The following CELF2 variants were observed in gnomAD, a reference collection of about 807,000 sequenced individuals.
CELF2 encodes CUG triplet repeat RNA-binding protein 2.
Under a neutral mutation model 62.6 loss-of-function variants are expected in CELF2, and 8 were observed. The ratio of observed to expected loss-of-function variants is 0.13; its 90% CI spans 0.07 to 0.23. The LOEUF (loss-of-function observed/expected upper bound fraction) is 0.23. CELF2 is among the 10% of genes least tolerant of loss of function. The probability of loss-of-function intolerance (pLI) is 1.00; values close to 1 mark genes in which losing one functional copy is unlikely to be tolerated. For missense variants in CELF2, 333 were observed against 671.0 expected (o/e 0.50, Z 5.56); for synonymous variants, 258 against 250.0 (o/e 1.03, Z -0.30).
At chr10:10,961,558 G>A (rs76260448) in intron 2 of CELF2, among the ~76,000 whole-genome samples, 2 of 151,806 alleles carry the variant, frequency 1.3e-5, no homozygotes, top group African/African-American at 2.4e-5. Context: ...ACCAGCCTGG[G>A]CAACATGGCA....
At chr10:10,942,045 G>A (rs772158395) in intron 2 of CELF2, among the ~76,000 whole-genome samples, 2 of 149,512 alleles carry the variant, frequency 1.3e-5, no homozygotes, top group Non-Finnish European at 3.0e-5. Flanking sequence ...CATCATGTTT[G>A]TTATCATGTA....
the CELF2 span, among the ~76,000 whole-genome samples, chr10:10,603,047 C>A: frequency 6.6e-6 from 1 of 151,998 alleles, no homozygotes; most frequent in East Asian, 1.9e-4. Context: ...GTAACTTTAC[C>A]AAGTAGACAT....
Position 11,285,294 on chromosome 10 carries a change from C to T in CELF2, c.842-3124C>T, listed in dbSNP as rs1441132336. ...TCCTTTCCACTCTTCATCTCAGCTTCCTTGACTCATAGTTTTTCCTTTCCT... is the reference window on the plus strand; with the variant it reads ...TCCTTTCCACTCTTCATCTCAGCTTTCTTGACTCATAGTTTTTCCTTTCCT... On this transcript the variant is annotated intron_variant, in intron 8 of 12. Coordinates refer to ENST00000633077, the MANE Select transcript of CELF2 (RefSeq NM_001326342.2). This position sits in a 1 kb window ranked among gnomAD's most constrained non-coding sequence, Gnocchi z 4.3. Among the ~76,000 whole-genome samples, 2 of 152,144 alleles carry T rather than the reference C, an allele frequency of 1.3e-5. No individual in the cohort carries two copies.
chr10:10,716,763 T>G, the CELF2 span, among the ~76,000 whole-genome samples: 1 of 152,154 alleles, frequency 6.6e-6, no homozygotes, highest in East Asian at 1.9e-4. Context: ...GCAACCAAAC[T>G]TTCCACCAAA....
At chr10:10,818,402 G>A (rs898403740) in intron 1 of CELF2, among the ~76,000 whole-genome samples, 3 of 152,130 alleles carry the variant, frequency 2.0e-5, no homozygotes, top group Non-Finnish European at 2.9e-5. Context: ...ATGACGTTCT[G>A]CTTCCATTAG....
the CELF2 span, among the ~76,000 whole-genome samples, chr10:10,522,713 G>A: frequency 3.9e-5 from 6 of 152,126 alleles, no homozygotes; most frequent in Admixed American, 2.6e-4. Context: ...GGGATTACAC[G>A]CACATGCCAC....
At chr10:11,091,592 C>T (rs2141970933) in intron 1 of CELF2, among the ~76,000 whole-genome samples, 1 of 152,308 alleles carries the variant, frequency 6.6e-6, no homozygotes, top group Non-Finnish European at 1.5e-5. Flanking sequence ...GTCAAACGAG[C>T]ATGTTCTCTG....
the CELF2 span, among the ~76,000 whole-genome samples, chr10:10,463,099 G>A: frequency 1.3e-5 from 2 of 152,102 alleles, no homozygotes; most frequent in Non-Finnish European, 2.9e-5. Flanking sequence ...AGACTAAAGT[G>A]AGTGCTCAGT....
intron 2 of CELF2, among the ~76,000 whole-genome samples, chr10:10,960,898 C>T (rs190843496): frequency 5.3e-4 from 80 of 152,288 alleles, no homozygotes; most frequent in African/African-American, 1.8e-3. Flanking sequence ...TGTAACTAGC[C>T]GTGCCCCTAG....
the CELF2 span, among the ~76,000 whole-genome samples, chr10:10,547,290 C>G: frequency 6.6e-6 from 1 of 152,106 alleles, no homozygotes; most frequent in Non-Finnish European, 1.5e-5. Flanking sequence ...GCCACCTGAC[C>G]CACAGTGCCG....
the CELF2 span, among the ~76,000 whole-genome samples, chr10:10,541,706 G>C: frequency 6.6e-6 from 1 of 152,198 alleles, no homozygotes; most frequent in Non-Finnish European, 1.5e-5. Flanking sequence ...GAGCAGTGAG[G>C]ATGACCAGAG....
the CELF2 span, among the ~76,000 whole-genome samples, chr10:10,528,845 A>G: frequency 1.3e-5 from 2 of 152,244 alleles, no homozygotes; most frequent in African/African-American, 2.4e-5. Context: ...CTAAAACTTT[A>G]TCATTATTAA....
chr10:10,891,708 G>T (rs1007413108), intron 1 of CELF2, among the ~76,000 whole-genome samples: 1 of 152,120 alleles, frequency 6.6e-6, no homozygotes, highest in African/African-American at 2.4e-5. Context: ...TTAGCTGCAC[G>T]GGCAGACTGG....
chr10:10,959,428 C>A (rs1251950156), intron 2 of CELF2, among the ~76,000 whole-genome samples: 1 of 152,196 alleles, frequency 6.6e-6, no homozygotes, highest in African/African-American at 2.4e-5. Flanking sequence ...TAATGACAGA[C>A]TGATCATCTT....
chr10:10,575,683 T>A, the CELF2 span, among the ~76,000 whole-genome samples: 4 of 152,318 alleles, frequency 2.6e-5, no homozygotes, highest in South Asian at 2.1e-4. Flanking sequence ...TATGTTTAAA[T>A]TTTTAGGTCA....
intron 1 of CELF2, among the ~76,000 whole-genome samples, chr10:10,803,103 A>T (rs1280433909): frequency 6.6e-6 from 1 of 151,894 alleles, no homozygotes; most frequent in Non-Finnish European, 1.5e-5. Context: ...ACTTTTTTCC[A>T]CCTTCCATTG....
At position 11,098,004 on chromosome 10, in the gene CELF2, T is replaced by G. The variant is rs2024045976; in HGVS notation, c.75-67482T>G. The G allele has an allele frequency of 6.6e-6, 1 of 152,280 alleles. No homozygotes were observed. Among genetic ancestry groups the G allele is most frequent in the African/African-American group, 2.4e-5 (1 of 41,436 alleles). 9.4% of individuals were successfully genotyped at this position (152,280 alleles called of 1,614,324 possible). On this transcript the variant is annotated intron_variant, in intron 1 of 12. Coordinates refer to ENST00000633077, the MANE Select transcript of CELF2 (RefSeq NM_001326342.2). This position sits in a 1 kb window ranked among gnomAD's most constrained non-coding sequence, Gnocchi z 4.0. The stretch of plus-strand genomic sequence containing the variant: ...GACTGTGTTCCAGTCAAAGCCACAC[T>G]AACAGTGAGCACTCACCACAGGCTG...
intron 1 of CELF2, among the ~76,000 whole-genome samples, chr10:11,061,585 C>T (rs185613809): frequency 1.2e-4 from 18 of 152,302 alleles, no homozygotes; most frequent in African/African-American, 3.6e-4. Flanking sequence ...CTAGAAGTTT[C>T]GTAGCCAAAG....
Position 11,032,146 on chromosome 10 carries a change from C to CAAAAAA in CELF2, c.74+14003_74+14008dup, listed in dbSNP as rs56364371. Among the ~76,000 whole-genome samples the CAAAAAA allele has an allele frequency of 1.4e-4, 12 of 86,394 alleles. 1 individual carries two copies. The highest frequency in any genetic ancestry group is 1.0e-4 in the Non-Finnish European group (4 of 38,738). The allele number at this position is 86,394 out of a possible 152,430, so 56.7% of individuals were successfully genotyped here. On this transcript the variant is annotated intron_variant, in intron 1 of 12. Coordinates refer to ENST00000633077, the MANE Select transcript of CELF2 (RefSeq NM_001326342.2). ...CTCCCAGCTCCACATAGGGCTTAGCCAAAAAAAAAAAAAAAAAAAAAAAAA... is the reference window on the plus strand; with the variant it reads ...CTCCCAGCTCCACATAGGGCTTAGCCAAAAAAAAAAAAAAAAAAAAAAAAAAAAAAA...
Sources: gnomAD v4.1 joint callset for allele counts (sites outside exome capture counted in the v4.1 genomes callset) on GRCh38, gnomAD v4.1.1 for gene constraint, Gnocchi (gnomAD v3.1) non-coding constraint, MANE v1.5 for transcripts, NCBI Gene and HGNC (gene_info 2026-07-23, HGNC 2026-07-21) for gene names.